The following COL4A3 variants were observed in gnomAD, a reference collection of about 807,000 sequenced individuals.
COL4A3 encodes the protein collagen alpha-3(IV) chain.
A neutral mutation model predicts 217.4 loss-of-function variants in COL4A3; 135 were observed. The observed-to-expected ratio is 0.62, with a 90% CI of 0.54 to 0.72. The LOEUF (loss-of-function observed/expected upper bound fraction) is 0.72, where lower values mean the gene tolerates loss of function less well. Among genes scored for constraint, COL4A3 ranks in the 30% least tolerant of loss-of-function variants. COL4A3 has a pLI of 0.00. For synonymous variants in COL4A3, 690 were observed against 736.3 expected (o/e 0.94, Z 1.02); for missense variants, 1,868 against 2,119.9 (o/e 0.88, Z 2.33).
chr2:227,298,694 C>T lies in COL4A3; in HGVS notation c.3764C>T (p.Pro1255Leu), dbSNP rs759579368. Reference protein sequence around the residue: ...GSRGSPGAPGPPGPPGSHVIG... With the variant: ...GSRGSPGAPGLPGPPGSHVIG... ...TTCATGAATTCAGGTGCGCCTGGTC[C>T]CCCTGGACCTCCAGGGAGTCATGTA... Residue 1255 changes from proline (P) to leucine (L), a missense_variant, in exon 43 of 52, where the codon CCC becomes CTC. By Grantham distance (98) the Pro-to-Leu change is moderately conservative. Around this residue, in one of 2 missense-constraint regions of COL4A3, gnomAD observed 1,503 missense variants for 1,786.1 expected, o/e 0.84. Coordinates refer to ENST00000396578, the MANE Select transcript of COL4A3 (RefSeq NM_000091.5). 1 of 1,613,988 alleles carries T rather than the reference C, an allele frequency of 6.2e-7. No homozygotes were observed. Among genetic ancestry groups the T allele is most frequent in the East Asian group, 2.2e-5 (1 of 44,872 alleles).
rs186618014 is a variant in COL4A3, at chr2:227,197,434, G to C, written c.87+32621G>C. Among the ~76,000 whole-genome samples the C allele has an allele frequency of 2.1e-3, 321 of 152,126 alleles. 3 individuals carry two copies. Among genetic ancestry groups the C allele is most frequent in the African/African-American group, 7.5e-3 (313 of 41,462 alleles). Reference sequence around the variant, plus strand: ...TACAGTAGGCTATACATCTAGGTTTGTATAAGTACACTCTATGATGTTTGC... The same window carrying C: ...TACAGTAGGCTATACATCTAGGTTTCTATAAGTACACTCTATGATGTTTGC... On this transcript the variant is annotated intron_variant, in intron 1 of 51. Coordinates refer to ENST00000396578, the MANE Select transcript of COL4A3 (RefSeq NM_000091.5).
rs567332959 is a variant in COL4A3 at position 227,182,587 on chromosome 2, C to T, written c.87+17774C>T. Among the ~76,000 whole-genome samples the T allele has an allele frequency of 1.6e-4, 24 of 152,262 alleles. No individual in the cohort carries two copies. The East Asian group carries it at 2.7e-3, about 17-fold the overall frequency. On this transcript the variant is annotated intron_variant, in intron 1 of 51. Coordinates refer to ENST00000396578, the MANE Select transcript of COL4A3 (RefSeq NM_000091.5). Reference sequence around the variant, plus strand: ...CTTAAACCATGCATCAAAATTAAAACTAAATTGACTTCCTTATATCAAGTT... The same window carrying T: ...CTTAAACCATGCATCAAAATTAAAATTAAATTGACTTCCTTATATCAAGTT...
At chr2:227,233,263 A>G (rs995041468) in intron 1 of COL4A3, among the ~76,000 whole-genome samples, 11 of 152,024 alleles carry the variant, frequency 7.2e-5, no homozygotes, top group African/African-American at 2.7e-4. Context: ...TCCACCAGCC[A>G]CTGCCTCCCA....
At chr2:227,166,918 C>A (rs2065299204) in intron 1 of COL4A3, among the ~76,000 whole-genome samples, 1 of 152,114 alleles carries the variant, frequency 6.6e-6, no homozygotes, top group South Asian at 2.1e-4. Context: ...AGAGTTGAAA[C>A]CCCAGTGGGG....
intron 1 of COL4A3, among the ~76,000 whole-genome samples, chr2:227,196,956 C>T (rs564805597): frequency 5.3e-5 from 8 of 152,156 alleles, no homozygotes; most frequent in Non-Finnish European, 8.8e-5. Flanking sequence ...CAGTGGGAGG[C>T]GATTGAATCA....
intron 1 of COL4A3, among the ~76,000 whole-genome samples, chr2:227,219,660 C>T (rs2067679836): frequency 6.6e-6 from 1 of 152,174 alleles, no homozygotes; most frequent in Non-Finnish European, 1.5e-5. Flanking sequence ...TATTTACATG[C>T]TTATCTCCCC....
chr2:227,303,363 T>C (rs958754738), intron 44 of COL4A3, among the ~76,000 whole-genome samples: 1 of 152,206 alleles, frequency 6.6e-6, no homozygotes, highest in Non-Finnish European at 1.5e-5. Flanking sequence ...GTCTTACCAC[T>C]TTATTAGTTC....
chr2:227,277,422 A>G (rs1407014742), intron 27 of COL4A3, 27 bp from the exon 28 acceptor site: 1 of 1,349,404 alleles, frequency 7.4e-7, no homozygotes. Context: ...GCTGATGTGG[A>G]GATGCATATG....
intron 1 of COL4A3, among the ~76,000 whole-genome samples, chr2:227,186,734 C>T (rs2066046589): frequency 1.3e-5 from 2 of 152,080 alleles, no homozygotes; most frequent in South Asian, 4.2e-4. Context: ...TGTTTCAGGA[C>T]AGGTGAAGAA....
chr2:227,215,477 T>A (rs1559834175), intron 1 of COL4A3, among the ~76,000 whole-genome samples: 2 of 152,174 alleles, frequency 1.3e-5, no homozygotes, highest in African/African-American at 4.8e-5. Flanking sequence ...GTTTTGTTTT[T>A]GCACAGAGTC....
At position 227,253,768 on chromosome 2, in the gene COL4A3, A is replaced by G. The variant is rs2125933245; in HGVS notation, c.765+130A>G. 1 of 833,054 alleles carries G rather than the reference A, an allele frequency of 1.2e-6. No individual in the cohort carries two copies. Among genetic ancestry groups the G allele is most frequent in the Middle Eastern group, 2.9e-4 (1 of 3,422 alleles). 51.6% of individuals were successfully genotyped at this position (833,054 alleles called of 1,614,324 possible). ...CAGCCCAGCTCCCTCAGCCAGCCAG[A>G]ACCTCCAGGATTGATTCCTTCCCGT... On this transcript the variant is annotated intron_variant, in intron 13 of 51. Transcript: ENST00000396578. The surrounding 1 kb of genome is among the most constrained non-coding windows in gnomAD (Gnocchi z 4.4).
At position 227,298,815 on chromosome 2, in the gene COL4A3, G is replaced by T; in HGVS notation, c.3882+3G>T. 6.2e-7 allele frequency: 1 copy of T among 1,613,296 alleles called. No homozygotes were observed. Among genetic ancestry groups the T allele is most frequent in the South Asian group, 1.1e-5 (1 of 91,022 alleles). On this transcript the variant is annotated splice_donor_region_variant and intron_variant, in intron 43 of 51. Transcript: ENST00000396578. ...ACATGGGACCACCAGGTCGTCTGGT[G>T]AGTATGGATAATTATTTTGACTCAT... is the stretch of plus-strand genomic sequence containing the variant.
chr2:227,248,506 G>T lies in COL4A3; in HGVS notation c.532G>T (p.Ala178Ser). Residue 178 changes from alanine (A) to serine (S), a missense_variant, in exon 9 of 52, where the codon GCT (alanine) becomes TCT (serine). Ala to Ser is a moderately conservative substitution (Grantham distance 99). Around this residue, in one of 2 missense-constraint regions of COL4A3, gnomAD observed 365 missense variants for 333.8 expected, o/e 1.09. Coordinates refer to ENST00000396578, the MANE Select transcript of COL4A3 (RefSeq NM_000091.5). Reference sequence around the variant, plus strand: ...AAAAGGCGACCCCGGGTTGCCAGGGGCTCCAGGACCCCAGGTACAGCACTT... The same window carrying T: ...AAAAGGCGACCCCGGGTTGCCAGGGTCTCCAGGACCCCAGGTACAGCACTT... Reference protein sequence around the residue: ...DAKGDPGLPGAPGPQGLPGPP... With the variant: ...DAKGDPGLPGSPGPQGLPGPP... 1.2e-6 allele frequency: 2 copies of T among 1,612,548 alleles called. No homozygotes were observed. Among genetic ancestry groups the T allele is most frequent in the East Asian group, 2.2e-5 (1 of 44,864 alleles).
intron 2 of COL4A3, among the ~76,000 whole-genome samples, chr2:227,238,410 TCA>T (rs1477973265): frequency 2.0e-5 from 3 of 152,172 alleles, no homozygotes; most frequent in South Asian, 2.1e-4. Flanking sequence ...ACATTGAAAT[TCA>T]CAGATTTTTG....
intron 1 of COL4A3, among the ~76,000 whole-genome samples, chr2:227,206,104 C>T: frequency 6.6e-6 from 1 of 151,952 alleles, no homozygotes; most frequent in East Asian, 1.9e-4. Context: ...GATGGAGTCT[C>T]ACTCTGTTGC....
intron 26 of COL4A3, 66 bp from the exon 27 acceptor site, chr2:227,276,319 T>G: frequency 1.7e-6 from 2 of 1,176,366 alleles, no homozygotes; most frequent in South Asian, 1.2e-5. Flanking sequence ...ATAATCGTAT[T>G]TTCCGCTATC....
chr2:227,249,230 A>ATTTTTTTTT lies in COL4A3; in HGVS notation c.546+725_546+733dup, dbSNP rs1247683938. ...TTAGCTAGTATATATATATATATAT[A>ATTTTTTTTT]TTTTTTTTTTTTTTTTTTTTTTTGA... On this transcript the variant is annotated intron_variant, in intron 9 of 51. Coordinates refer to ENST00000396578, the MANE Select transcript of COL4A3 (RefSeq NM_000091.5). Among the ~76,000 whole-genome samples the ATTTTTTTTT allele has an allele frequency of 8.8e-4, 13 of 14,692 alleles. 1 individual carries two copies. The highest frequency in any genetic ancestry group is 2.1e-3 in the African/African-American group (8 of 3,764). The allele number at this position is 14,692 out of a possible 152,430, so 9.6% of individuals were successfully genotyped here.
intron 1 of COL4A3, among the ~76,000 whole-genome samples, chr2:227,210,420 A>G (rs563515257): frequency 0.057 from 8,027 of 140,304 alleles, 559 homozygotes; most frequent in East Asian, 0.16. Flanking sequence ...GTGAAACCCC[A>G]TCTCTACTAA....
At chr2:227,292,759 T>C (rs953208656) in intron 37 of COL4A3, among the ~76,000 whole-genome samples, 6 of 152,204 alleles carry the variant, frequency 3.9e-5, no homozygotes, top group African/African-American at 1.4e-4. Flanking sequence ...TGTAACTATA[T>C]ATTTGTGTGA....
Sources: allele counts gnomAD v4.1 joint callset (sites outside exome capture counted in the v4.1 genomes callset), GRCh38; gene constraint gnomAD v4.1.1; regional missense constraint gnomAD v4.1.1; non-coding constraint Gnocchi (gnomAD v3.1); transcripts MANE v1.5; gene names NCBI Gene and HGNC (gene_info 2026-07-23, HGNC 2026-07-21).